SIL1: variants seen among roughly 807,000 people sequenced by gnomAD.
SIL1 encodes SIL1 nucleotide exchange factor.
Under a neutral mutation model 49.1 loss-of-function variants are expected in SIL1, and 40 were observed. The ratio of observed to expected loss-of-function variants is 0.81; its 90% confidence interval spans 0.63 to 1.06. SIL1 has a LOEUF of 1.06. SIL1 is among the 50% of genes least tolerant of loss of function. SIL1 has a pLI of 0.00. For missense variants in SIL1, 500 were observed against 572.6 expected (o/e 0.87, Z 1.29); for synonymous variants, 253 against 250.8 (o/e 1.01, Z -0.08).
At chr5:139,058,769 G>A (rs1320522090) in intron 3 of SIL1, among the ~76,000 whole-genome samples, 1 of 152,090 alleles carries the variant, frequency 6.6e-6, no homozygotes, top group Non-Finnish European at 1.5e-5. Context: ...AGATGTTCCA[G>A]GTTCATCTTG....
chr5:139,156,960 C>CT (rs1751418328), intron 1 of SIL1, among the ~76,000 whole-genome samples: 1 of 152,218 alleles, frequency 6.6e-6, no homozygotes, highest in African/African-American at 2.4e-5. Flanking sequence ...TCCAGGCCAG[C>CT]ACTCTTGAGC....
chr5:139,078,036 T>C (rs1266890402), intron 3 of SIL1, among the ~76,000 whole-genome samples: 2 of 152,178 alleles, frequency 1.3e-5, no homozygotes, highest in Non-Finnish European at 2.9e-5. Flanking sequence ...CCTGAGCCAC[T>C]TGTGCAATAT....
In SIL1 at chr5:139,182,349, G is replaced by T. The variant is rs1407385831; in HGVS notation, c.-11+15920C>A. On this transcript the variant is annotated intron_variant, in intron 1 of 9. Transcript: ENST00000394817. ...CTATCTAAGGAGGGGGTTTGAAGAG[G>T]TGTTACTCAAGGCATGGACCACATC... Among the ~76,000 whole-genome samples the T allele has an allele frequency of 2.0e-5, 3 of 152,202 alleles. No individual in the cohort carries two copies. In the East Asian group the frequency reaches 5.8e-4, roughly 29 times the overall value.
chr5:138,964,593 T>G (rs2150387550), intron 7 of SIL1, among the ~76,000 whole-genome samples: 1 of 152,340 alleles, frequency 6.6e-6, no homozygotes, highest in East Asian at 1.9e-4. Flanking sequence ...AAAGGCCTTC[T>G]GCTGGAATCA....
At chr5:139,148,141 A>G (rs1751228180) in intron 1 of SIL1, among the ~76,000 whole-genome samples, 1 of 151,938 alleles carries the variant, frequency 6.6e-6, no homozygotes, top group Non-Finnish European at 1.5e-5. Flanking sequence ...CATAAACCCA[A>G]GAGAGTTACT....
intron 1 of SIL1, among the ~76,000 whole-genome samples, chr5:139,142,888 C>T (rs749007055): frequency 6.6e-5 from 10 of 152,098 alleles, no homozygotes; most frequent in Non-Finnish European, 1.2e-4. Flanking sequence ...CCTGCATCAG[C>T]CTCCTGAGTA....
chr5:139,165,098 C>T (rs1581144299), intron 1 of SIL1, among the ~76,000 whole-genome samples: 1 of 152,118 alleles, frequency 6.6e-6, no homozygotes, highest in Non-Finnish European at 1.5e-5. Context: ...CTAAGAGTCA[C>T]GCATTCTTTT....
intron 7 of SIL1, among the ~76,000 whole-genome samples, chr5:138,984,842 G>A (rs1035747600): frequency 2.0e-5 from 3 of 152,246 alleles, no homozygotes; most frequent in Non-Finnish European, 2.9e-5. Context: ...AAGCTGGAAA[G>A]CAGGGCGATG....
intron 3 of SIL1, among the ~76,000 whole-genome samples, chr5:139,107,755 A>C (rs1209882225): frequency 6.6e-6 from 1 of 152,208 alleles, no homozygotes; most frequent in African/African-American, 2.4e-5. Context: ...TTTTTAATAC[A>C]ACAGAAAAAA....
chr5:139,159,331 C>A (rs1246177059), intron 1 of SIL1, among the ~76,000 whole-genome samples: 1 of 152,200 alleles, frequency 6.6e-6, no homozygotes, highest in Non-Finnish European at 1.5e-5. Flanking sequence ...TAAATTAGGG[C>A]CGGAAGCCCT....
chr5:139,178,892 T>A (rs1581155313), intron 1 of SIL1, among the ~76,000 whole-genome samples: 2 of 152,146 alleles, frequency 1.3e-5, no homozygotes, highest in South Asian at 4.2e-4. Flanking sequence ...ACTGAAAAAA[T>A]AAAATTTCAG....
chr5:139,165,019 A>G (rs1347250872), intron 1 of SIL1, among the ~76,000 whole-genome samples: 1 of 152,196 alleles, frequency 6.6e-6, no homozygotes, highest in Admixed American at 6.5e-5. Flanking sequence ...CACATATTCT[A>G]TAGAGAATCC....
intron 5 of SIL1, among the ~76,000 whole-genome samples, chr5:139,033,894 C>T (rs773181019): frequency 3.7e-4 from 57 of 152,126 alleles, no homozygotes; most frequent in Non-Finnish European, 3.7e-4. Flanking sequence ...TCTAGTAGTT[C>T]TAGCAATTCT....
intron 2 of SIL1, among the ~76,000 whole-genome samples, chr5:139,123,605 G>A (rs1750692756): frequency 6.6e-6 from 1 of 152,186 alleles, no homozygotes; most frequent in South Asian, 2.1e-4. Context: ...AGAAGCATTA[G>A]ACTGCAGGAC....
At chr5:139,093,009 T>G (rs930925929) in intron 3 of SIL1, among the ~76,000 whole-genome samples, 3 of 152,214 alleles carry the variant, frequency 2.0e-5, no homozygotes, top group African/African-American at 7.2e-5. Context: ...CAAGTCCAGC[T>G]GGGTGCAGTG....
At chr5:138,951,680 G>GA (rs1766781618) in intron 8 of SIL1, 108 bp downstream of exon 8, 2 of 1,069,216 alleles carry the variant, frequency 1.9e-6, no homozygotes, top group Non-Finnish European at 2.9e-6. Context: ...CCCAGCAGAT[G>GA]ATGCTCAGGC....
intron 1 of SIL1, among the ~76,000 whole-genome samples, chr5:139,145,658 G>A: frequency 7.1e-6 from 1 of 140,706 alleles, no homozygotes; most frequent in African/African-American, 3.1e-5. Context: ...GTGTGTGTGT[G>A]TGTGTGTGTG....
At chr5:138,989,930 C>T (rs139625538) in intron 7 of SIL1, among the ~76,000 whole-genome samples, 58 of 152,294 alleles carry the variant, frequency 3.8e-4, no homozygotes, top group African/African-American at 1.3e-3. Flanking sequence ...TTGAACAAAT[C>T]ACTGCAGCAG....
intron 3 of SIL1, among the ~76,000 whole-genome samples, chr5:139,118,864 T>C (rs894519263): frequency 6.6e-6 from 1 of 152,142 alleles, no homozygotes; most frequent in Non-Finnish European, 1.5e-5. Flanking sequence ...AGATTCTGAA[T>C]CACCCCACAT....
Sources: gnomAD v4.1 joint callset for allele counts (sites outside exome capture counted in the v4.1 genomes callset) on GRCh38, gnomAD v4.1.1 for gene constraint, MANE v1.5 for transcripts, NCBI Gene and HGNC (gene_info 2026-07-23, HGNC 2026-07-21) for gene names.